The following HSDL2 variants were observed in gnomAD, a reference collection of about 807,000 sequenced individuals.
HSDL2 encodes the protein hydroxysteroid dehydrogenase-like protein 2.
A neutral mutation model predicts 46.3 loss-of-function variants in HSDL2; 27 were observed. The ratio of observed to expected loss-of-function variants is 0.58; its 90% CI spans 0.43 to 0.80. The LOEUF is 0.80. Among genes scored for constraint, HSDL2 ranks in the 30% least tolerant of loss-of-function variants. HSDL2 has a pLI of 0.00. For synonymous variants in HSDL2, 153 were observed against 163.6 expected, an observed-to-expected ratio of 0.94 and a Z score of 0.50; for missense variants, 451 against 502.7, an observed-to-expected ratio of 0.90 and a Z score of 0.98.
At chr9:112,400,632 A>C (rs1308192903) in intron 1 of HSDL2, among the ~76,000 whole-genome samples, 1 of 152,184 alleles carries the variant, frequency 6.6e-6, no homozygotes, top group Non-Finnish European at 1.5e-5. Context: ...ACAGAACCAC[A>C]AACTGGATGG....
In HSDL2 at chr9:112,471,750, G is replaced by A. The variant is rs1833582715; in HGVS notation, c.*1206G>A. On this transcript the variant is annotated 3_prime_UTR_variant, in exon 11 of 11. Transcript: ENST00000398805. ...AGCAAGCTAATACAGTGGTTTGAGA[G>A]GCTGGGAGGGTTGAGGGGAAGATAA... 1 of 152,170 alleles carries A rather than the reference G, an allele frequency of 6.6e-6. No homozygotes were observed. The highest frequency in any genetic ancestry group is 2.4e-5 in the African/African-American group (1 of 41,436). The allele number at this position is 152,170 out of a possible 1,614,324, so 9.4% of individuals were successfully genotyped here.
intron 10 of HSDL2, among the ~76,000 whole-genome samples, chr9:112,469,051 T>C (rs1783263300): frequency 6.6e-6 from 1 of 152,196 alleles, no homozygotes; most frequent in South Asian, 2.1e-4. Flanking sequence ...AAATAAAAGT[T>C]ACCCCTTCAT....
intron 6 of HSDL2, among the ~76,000 whole-genome samples, chr9:112,422,713 T>A (rs990502556): frequency 2.0e-5 from 3 of 151,992 alleles, no homozygotes; most frequent in African/African-American, 7.3e-5. Flanking sequence ...AGGAAACAGT[T>A]CCCTTGAGCT....
chr9:112,420,514 A>C (rs957673533), intron 6 of HSDL2, among the ~76,000 whole-genome samples: 1 of 118,140 alleles, frequency 8.5e-6, no homozygotes, highest in Non-Finnish European at 2.0e-5. Context: ...CTTAAAAAAA[A>C]AAACACACAC....
Position 112,431,001 on chromosome 9 carries a change from G to A in HSDL2, c.599-7430G>A, listed in dbSNP as rs563312244. Among the ~76,000 whole-genome samples the A allele has an allele frequency of 2.1e-5, 3 of 143,628 alleles. No homozygotes were observed. The South Asian group carries it at 6.6e-4, about 32-fold the overall frequency. 94.2% of individuals were successfully genotyped at this position (143,628 alleles called of 152,430 possible). A position where few individuals can be genotyped will look rare whatever the true frequency, so the allele number is the denominator to read the frequency against. Reference sequence around the variant, plus strand: ...CGGGAGGTGGAGGTTACAGTGAGCCGAGATCACGCCAGTGCACTCCAGCCT... The same window carrying A: ...CGGGAGGTGGAGGTTACAGTGAGCCAAGATCACGCCAGTGCACTCCAGCCT... On this transcript the variant is annotated intron_variant, in intron 6 of 10. Transcript: ENST00000398805.
At chr9:112,419,332 G>A (rs892729742) in intron 6 of HSDL2, among the ~76,000 whole-genome samples, 1 of 152,102 alleles carries the variant, frequency 6.6e-6, no homozygotes, top group African/African-American at 2.4e-5. Flanking sequence ...GGTGCATCTT[G>A]GGTATGATAG....
chr9:112,415,200 A>C (rs1831964052), intron 4 of HSDL2, among the ~76,000 whole-genome samples: 1 of 152,202 alleles, frequency 6.6e-6, no homozygotes, highest in African/African-American at 2.4e-5. Context: ...GGCATATTTT[A>C]TATTGGTGAA....
chr9:112,414,196 T>C (rs1264336534), intron 4 of HSDL2, among the ~76,000 whole-genome samples: 1 of 152,208 alleles, frequency 6.6e-6, no homozygotes, highest in East Asian at 1.9e-4. Flanking sequence ...TTTAAGAATG[T>C]TAGTACGGGT....
At chr9:112,399,601 C>G (rs560459059) in intron 1 of HSDL2, among the ~76,000 whole-genome samples, 3 of 152,260 alleles carry the variant, frequency 2.0e-5, no homozygotes, top group South Asian at 2.1e-4. Context: ...ATAAGACAGA[C>G]GTTCCCAGAG....
chr9:112,387,294 A>G (rs1831238352), intron 1 of HSDL2, among the ~76,000 whole-genome samples: 1 of 151,068 alleles, frequency 6.6e-6, no homozygotes, highest in Non-Finnish European at 1.5e-5. Flanking sequence ...AAATCAGCTC[A>G]CTGCAACCTC....
chr9:112,465,561 T>C (rs1232554274), intron 10 of HSDL2, among the ~76,000 whole-genome samples: 1 of 152,230 alleles, frequency 6.6e-6, no homozygotes, highest in Non-Finnish European at 1.5e-5. Context: ...AAGTAAGCAC[T>C]TCTCATTCTC....
chr9:112,429,869 A>G (rs924728257), intron 6 of HSDL2, among the ~76,000 whole-genome samples: 2 of 152,128 alleles, frequency 1.3e-5, no homozygotes, highest in African/African-American at 4.8e-5. Flanking sequence ...AAGCAGGCCG[A>G]TCGCTGGAGC....
chr9:112,389,024 C>A lies in HSDL2; in HGVS notation c.17+8844C>A, dbSNP rs544580538. On this transcript the variant is annotated intron_variant, in intron 1 of 10. Transcript: ENST00000398805. The stretch of plus-strand genomic sequence containing the variant: ...AGACCAAGCTTTGATGTATTCAGAT[C>A]ACTTTTTTTTTTTTTCTTTTTGAGA... Among the ~76,000 whole-genome samples, 131 of 150,554 alleles carry A rather than the reference C, an allele frequency of 8.7e-4. 1 individual carries two copies. Among genetic ancestry groups the A allele is most frequent in the African/African-American group, 2.9e-3 (120 of 40,870 alleles).
chr9:112,404,247 G>T, intron 2 of HSDL2, 89 bp downstream of exon 2: 1 of 1,259,384 alleles, frequency 7.9e-7, no homozygotes, highest in Non-Finnish European at 1.1e-6. Context: ...AAAGCTATTT[G>T]AAAGCTACCC....
rs1832434709 is a variant in HSDL2, at chr9:112,432,664, T to C, written c.599-5767T>C. ...CATTTTAGAAGGTTTACTAGACATC[T>C]TGGAGCCAGTGATGTTATTTGGTCC... On this transcript the variant is annotated intron_variant, in intron 6 of 10. Coordinates refer to ENST00000398805, the MANE Select transcript of HSDL2 (RefSeq NM_032303.5). Among the ~76,000 whole-genome samples the C allele has an allele frequency of 2.0e-5, 3 of 152,242 alleles. No homozygotes were observed. The South Asian group carries it at 6.2e-4, about 31-fold the overall frequency.
chr9:112,416,470 C>T (rs896566239), intron 4 of HSDL2, among the ~76,000 whole-genome samples: 2 of 150,660 alleles, frequency 1.3e-5, no homozygotes, highest in Non-Finnish European at 3.0e-5. Flanking sequence ...GTTGGCTGGT[C>T]GCAGTGGTTC....
intron 6 of HSDL2, among the ~76,000 whole-genome samples, chr9:112,427,346 C>T (rs1263665549): frequency 2.0e-5 from 3 of 152,218 alleles, no homozygotes; most frequent in Non-Finnish European, 4.4e-5. Context: ...TGAGCCAATG[C>T]GCCTGGCCCT....
intron 4 of HSDL2, among the ~76,000 whole-genome samples, chr9:112,415,563 C>A (rs915307853): frequency 6.6e-6 from 1 of 152,064 alleles, no homozygotes; most frequent in Non-Finnish European, 1.5e-5. Context: ...CTGTGCTGAC[C>A]GACAAGTATA....
At chr9:112,449,170 CCT>C (rs1161831336) in intron 8 of HSDL2, among the ~76,000 whole-genome samples, 17 of 149,216 alleles carry the variant, frequency 1.1e-4, no homozygotes, top group African/African-American at 2.7e-4. Flanking sequence ...CACTGCAACC[CCT>C]GCCTCCCAGG....
Sources: gnomAD v4.1 joint callset for allele counts (sites outside exome capture counted in the v4.1 genomes callset) on GRCh38, gnomAD v4.1.1 for gene constraint, MANE v1.5 for transcripts, NCBI Gene and HGNC (gene_info 2026-07-23, HGNC 2026-07-21) for gene names.